Variants in SLC16A6 observed in about 807,000 individuals in gnomAD.
The protein encoded by SLC16A6 is solute carrier family 16 member 6, also known as monocarboxylate transporter 7.
In SLC16A6, 15 loss-of-function variants were observed where a neutral mutation model predicts 33.8. The ratio of observed to expected loss-of-function variants is 0.44; its 90% CI spans 0.30 to 0.68. The LOEUF (loss-of-function observed/expected upper bound fraction) is 0.68. SLC16A6 is among the 30% of genes least tolerant of loss of function. The pLI is 0.10. For missense variants in SLC16A6, 451 were observed against 661.5 expected (o/e 0.68, Z 3.49); for synonymous variants, 219 against 248.4 (o/e 0.88, Z 1.11).
At chr17:68,278,053 T>C (rs537004480) in intron 2 of SLC16A6, 36 bp downstream of exon 2, 1 of 1,475,818 alleles carries the variant, frequency 6.8e-7, no homozygotes, top group African/African-American at 1.4e-5. Context: ...AAGGGCCCTA[T>C]ACTTACGTCA....
At chr17:68,287,915 T>G (rs1376609423) in intron 1 of SLC16A6, among the ~76,000 whole-genome samples, 2 of 151,830 alleles carry the variant, frequency 1.3e-5, no homozygotes, top group Non-Finnish European at 2.9e-5. Context: ...TCTTCTCCCT[T>G]TTTTCTTTTC....
chr17:68,274,222 T>C (rs2075437966), intron 2 of SLC16A6, 152 bp from the exon 3 acceptor site: 2 of 738,352 alleles, frequency 2.7e-6, no homozygotes, highest in African/African-American at 3.5e-5. Context: ...TCCCAGCACT[T>C]TGGGAGGTTG....
chr17:68,280,179 C>CAA (rs58937538), intron 1 of SLC16A6, among the ~76,000 whole-genome samples: 1,463 of 87,248 alleles, frequency 0.017, 40 homozygotes, highest in African/African-American at 0.043. Context: ...AACTCTGTCT[C>CAA]AAAAAAAAAA....
chr17:68,270,566 A>G (rs1402096027), intron 5 of SLC16A6, among the ~76,000 whole-genome samples: 1 of 151,934 alleles, frequency 6.6e-6, no homozygotes, highest in African/African-American at 2.4e-5. Flanking sequence ...AAAAAAAAAA[A>G]AAAGGCCAGG....
Position 68,272,660 on chromosome 17 carries a change from C to T in SLC16A6, c.484G>A (p.Ala162Thr), listed in dbSNP as rs1555749368. 6.2e-6 allele frequency: 10 copies of T among 1,614,042 alleles called. No homozygotes were observed. The Admixed American group carries it at 6.7e-5, about 11-fold the overall frequency. Residue 162 changes from alanine (A) to threonine (T), a missense_variant, in exon 4 of 6, where the codon GCT (alanine) becomes ACT (threonine). By Grantham distance (58) the Ala-to-Thr change is moderately conservative (BLOSUM62 0). Transcript: ENST00000580666. ...CTACCTGGTGCGAAAGCAAACACAG[C>T]GAAACATTCTCCTGTGGAAGCAACT... is the stretch of plus-strand genomic sequence containing the variant. ...TAVASTGECF[A>T]VFAFAPAIMA...
intron 1 of SLC16A6, among the ~76,000 whole-genome samples, chr17:68,282,091 G>C (rs903521398): frequency 6.6e-6 from 1 of 152,110 alleles, no homozygotes; most frequent in Non-Finnish European, 1.5e-5. Context: ...GCAAAGACTT[G>C]GAACCAATCC....
rs1555747202 is a variant in SLC16A6 at position 68,268,640 on chromosome 17, C to G, written c.*456G>C. 2 of 150,530 alleles carry G rather than the reference C, an allele frequency of 1.3e-5. No homozygotes were observed. Among genetic ancestry groups the G allele is most frequent in the African/African-American group, 2.4e-5 (1 of 40,926 alleles). 9.3% of individuals were successfully genotyped at this position (150,530 alleles called of 1,614,324 possible). On this transcript the variant is annotated 3_prime_UTR_variant, in exon 6 of 6. Transcript: ENST00000580666. Reference sequence around the variant, plus strand: ...TTTTTTTGACTGGCCAATTTCATTTCAATGACCTGGGTTGGATGTTGTTTT... The same window carrying G: ...TTTTTTTGACTGGCCAATTTCATTTGAATGACCTGGGTTGGATGTTGTTTT...
intron 2 of SLC16A6, among the ~76,000 whole-genome samples, chr17:68,275,877 G>A (rs138123103): frequency 0.013 from 1,905 of 151,724 alleles, 48 homozygotes; most frequent in African/African-American, 0.043. Context: ...CAGCTACTCG[G>A]GAGGCTAAGG....
chr17:68,282,633 T>C (rs919883041), intron 1 of SLC16A6, among the ~76,000 whole-genome samples: 7 of 151,320 alleles, frequency 4.6e-5, no homozygotes, highest in Admixed American at 2.0e-4. Context: ...ACGCTGTCTC[T>C]ACAAAAAAGT....
At chr17:68,282,642 G>A (rs2075728807) in intron 1 of SLC16A6, among the ~76,000 whole-genome samples, 1 of 151,556 alleles carries the variant, frequency 6.6e-6, no homozygotes, top group Admixed American at 6.6e-5. Flanking sequence ...CTACAAAAAA[G>A]TATAAGAAGA....
At chr17:68,287,152 T>A (rs112350824) in intron 1 of SLC16A6, among the ~76,000 whole-genome samples, 2,340 of 152,108 alleles carry the variant, frequency 0.015, 57 homozygotes, top group African/African-American at 0.053. Context: ...CCCGGCTAAT[T>A]TTGTTTTAGT....
intron 1 of SLC16A6, among the ~76,000 whole-genome samples, chr17:68,281,747 C>T (rs139703687): frequency 1.3e-5 from 2 of 152,160 alleles, no homozygotes; most frequent in African/African-American, 2.4e-5. Flanking sequence ...TGGCTATGAT[C>T]AGAAGACAAA....
rs2075421782 is a variant in SLC16A6 at position 68,273,823 on chromosome 17, A to G, written c.376+104T>C. ...AGACACTGTTAATGTTAAAGAAAAA[A>G]AGAAAGAGAAAGAAATATAGTTTGG... On this transcript the variant is annotated intron_variant, in intron 3 of 5. Transcript: ENST00000580666. 7 of 1,382,850 alleles carry G rather than the reference A, an allele frequency of 5.1e-6. No individual in the cohort carries two copies. The South Asian group carries it at 8.1e-5, about 16-fold the overall frequency. The allele number at this position is 1,382,850 out of a possible 1,614,324, so 85.7% of individuals were successfully genotyped here.
intron 5 of SLC16A6, among the ~76,000 whole-genome samples, chr17:68,269,974 G>A (rs148565592): frequency 3.6e-4 from 54 of 152,072 alleles, no homozygotes; most frequent in Admixed American, 7.2e-4. Flanking sequence ...CGCCCGGCCC[G>A]TTTTAGGTAT....
At chr17:68,287,099 T>C (rs1354325568) in intron 1 of SLC16A6, among the ~76,000 whole-genome samples, 1 of 152,202 alleles carries the variant, frequency 6.6e-6, no homozygotes, top group Non-Finnish European at 1.5e-5. Context: ...TTCTCCTGCC[T>C]TAGCCTCCCA....
intron 2 of SLC16A6, among the ~76,000 whole-genome samples, 171 bp downstream of exon 2, chr17:68,277,918 G>A (rs2075576661): frequency 6.6e-6 from 1 of 152,136 alleles, no homozygotes. Context: ...AGTGCCTTTT[G>A]TTTCTTGCCA....
intron 1 of SLC16A6, among the ~76,000 whole-genome samples, chr17:68,287,940 CTTCTCTCTCTCT>C (rs1183247668): frequency 5.3e-5 from 8 of 150,576 alleles, no homozygotes; most frequent in East Asian, 1.9e-4. Flanking sequence ...CTCTTCTTCT[CTTCTCTCTCTCT>C]TTCTCTCTCT....
rs782558948 is a variant in SLC16A6 at position 68,274,008 on chromosome 17, G to C, written c.295C>G (p.Leu99Val). The stretch of plus-strand genomic sequence containing the variant: ...GCCACCATCCCGGTGCTGACAAGTA[G>C]CCCCCCCAACATCACTACCAGACGG... Reference protein sequence around the residue: ...GHRLVVMLGGLLVSTGMVAAS... With the variant: ...GHRLVVMLGGVLVSTGMVAAS... The change falls in exon 3 of 6, where the codon CTA (leucine) becomes GTA (valine). Residue 99 changes from leucine to valine, a missense_variant. By Grantham distance (32) the Leu-to-Val change is conservative. Around this residue, in one of 2 missense-constraint regions of SLC16A6, gnomAD observed 405 missense variants for 510.7 expected, o/e 0.79. Coordinates refer to ENST00000580666, the MANE Select transcript of SLC16A6 (RefSeq NM_004694.5). 2 of 1,613,960 alleles carry C rather than the reference G, an allele frequency of 1.2e-6. No homozygotes were observed. The highest frequency in any genetic ancestry group is 1.7e-6 in the Non-Finnish European group (2 of 1,179,990).
intron 1 of SLC16A6, among the ~76,000 whole-genome samples, chr17:68,290,340 AGAC>A (rs1343451209): frequency 6.6e-6 from 1 of 152,230 alleles, no homozygotes; most frequent in Non-Finnish European, 1.5e-5. Flanking sequence ...TAAAAAGAAA[AGAC>A]GACAACAACC....
Sources: gnomAD v4.1 joint callset for allele counts (sites outside exome capture counted in the v4.1 genomes callset) on GRCh38, gnomAD v4.1.1 for gene constraint, gnomAD v4.1.1 regional missense constraint, MANE v1.5 for transcripts, NCBI Gene and HGNC (gene_info 2026-07-23, HGNC 2026-07-21) for gene names.